CTNNA3: variants seen among roughly 807,000 people sequenced by gnomAD.
CTNNA3 encodes the protein catenin alpha 3, also known as catenin alpha-3.
A neutral mutation model predicts 95.7 loss-of-function variants in CTNNA3; 76 were observed. The ratio of observed to expected loss-of-function variants is 0.79; its 90% CI spans 0.66 to 0.96. The LOEUF is 0.96. CTNNA3 is among the 40% of genes least tolerant of loss of function. The pLI is 0.00. For missense variants in CTNNA3, 1,191 were observed against 1,089.8 expected, an observed-to-expected ratio of 1.09 and a Z score of -1.31; for synonymous variants, 431 against 374.4, an observed-to-expected ratio of 1.15 and a Z score of -1.74.
intron 5 of CTNNA3, among the ~76,000 whole-genome samples, chr10:67,347,054 T>C (rs905307005): frequency 4.0e-5 from 6 of 149,164 alleles, no homozygotes; most frequent in African/African-American, 1.0e-4. Context: ...TTATAATAAG[T>C]AATCCTAGAA....
intron 16 of CTNNA3, among the ~76,000 whole-genome samples, chr10:65,985,523 A>G (rs2078409713): frequency 6.6e-6 from 1 of 151,424 alleles, no homozygotes. Context: ...TTAATTATGT[A>G]TTTTATGCAT....
At chr10:67,689,108 A>G (rs1407189219) in intron 1 of CTNNA3, among the ~76,000 whole-genome samples, 2 of 152,136 alleles carry the variant, frequency 1.3e-5, no homozygotes, top group East Asian at 3.9e-4. Flanking sequence ...TCCTGTTAGT[A>G]TTGGGACCTT....
chr10:67,405,823 T>A (rs1442040830), intron 5 of CTNNA3, among the ~76,000 whole-genome samples: 1 of 152,118 alleles, frequency 6.6e-6, no homozygotes, highest in East Asian at 1.9e-4. Context: ...CCTCAGCAAA[T>A]GTAAAAGAAC....
At chr10:67,361,908 A>T (rs1320783087) in intron 5 of CTNNA3, among the ~76,000 whole-genome samples, 1 of 152,060 alleles carries the variant, frequency 6.6e-6, no homozygotes, top group Non-Finnish European at 1.5e-5. Context: ...AAGATCCAAT[A>T]AACACAATAA....
intron 9 of CTNNA3, among the ~76,000 whole-genome samples, chr10:66,723,456 C>T (rs531228674): frequency 1.4e-4 from 21 of 152,186 alleles, no homozygotes; most frequent in Non-Finnish European, 2.5e-4. Flanking sequence ...ATCACTTGGC[C>T]TTATAGCCAC....
At chr10:67,564,418 T>G (rs1380666831) in intron 3 of CTNNA3, among the ~76,000 whole-genome samples, 1 of 137,344 alleles carries the variant, frequency 7.3e-6, no homozygotes, top group African/African-American at 2.8e-5. Context: ...CCGCATGTTC[T>G]CACTCATAGG....
chr10:66,635,524 T>C (rs1359946312), intron 9 of CTNNA3, among the ~76,000 whole-genome samples: 1 of 152,138 alleles, frequency 6.6e-6, no homozygotes. Context: ...AGAGATACAA[T>C]ATATTAAAGC....
At chr10:67,185,424 C>G (rs866081401) in intron 6 of CTNNA3, among the ~76,000 whole-genome samples, 1 of 151,970 alleles carries the variant, frequency 6.6e-6, no homozygotes, top group Admixed American at 6.6e-5. Flanking sequence ...TCACGGCCGG[C>G]CTTTTTTTCC....
chr10:66,335,172 C>T (rs557122265), intron 12 of CTNNA3, among the ~76,000 whole-genome samples: 15 of 152,044 alleles, frequency 9.9e-5, no homozygotes, highest in Middle Eastern at 3.4e-3. Context: ...GCTATGGGTT[C>T]GAACTTCCTC....
intron 10 of CTNNA3, among the ~76,000 whole-genome samples, chr10:66,536,596 A>T (rs1489724501): frequency 6.6e-6 from 1 of 152,140 alleles, no homozygotes; most frequent in African/African-American, 2.4e-5. Context: ...CATGGTCAAT[A>T]GGATCAAATA....
intron 2 of CTNNA3, among the ~76,000 whole-genome samples, chr10:67,637,847 A>G (rs1052494324): frequency 6.6e-6 from 1 of 152,258 alleles, no homozygotes; most frequent in African/African-American, 2.4e-5. Context: ...CCTGCCTAAA[A>G]GAGCTCCTGA....
At chr10:66,057,910 C>T (rs1213821808) in intron 15 of CTNNA3, among the ~76,000 whole-genome samples, 3 of 152,054 alleles carry the variant, frequency 2.0e-5, no homozygotes, top group African/African-American at 7.2e-5. Context: ...ATTTACCACA[C>T]ATATGAGAAA....
At chr10:66,736,632 A>G (rs553567115) in intron 9 of CTNNA3, among the ~76,000 whole-genome samples, 1 of 152,092 alleles carries the variant, frequency 6.6e-6, no homozygotes, top group South Asian at 2.1e-4. Context: ...AAATTTAATA[A>G]TTTTATGTTA....
intron 5 of CTNNA3, among the ~76,000 whole-genome samples, chr10:67,480,600 A>G (rs527262806): frequency 6.6e-6 from 1 of 152,308 alleles, no homozygotes; most frequent in Admixed American, 6.5e-5. Flanking sequence ...CCTTAAGAAC[A>G]TGTTCCTGCT....
At chr10:65,930,007 A>G (rs2077225707) in intron 17 of CTNNA3, among the ~76,000 whole-genome samples, 1 of 152,042 alleles carries the variant, frequency 6.6e-6, no homozygotes, top group Non-Finnish European at 1.5e-5. Context: ...TTTCTTGACA[A>G]TTAGAGGTGA....
At chr10:67,023,680 A>G (rs913622875) in intron 7 of CTNNA3, among the ~76,000 whole-genome samples, 1 of 152,230 alleles carries the variant, frequency 6.6e-6, no homozygotes, top group Non-Finnish European at 1.5e-5. Flanking sequence ...TTGAGTCAAT[A>G]TGTATCGATC....
intron 11 of CTNNA3, among the ~76,000 whole-genome samples, chr10:66,472,503 T>C (rs1001674753): frequency 2.0e-5 from 3 of 152,042 alleles, no homozygotes; most frequent in South Asian, 2.1e-4. Flanking sequence ...ATTTTAGAGA[T>C]TTTTTATTGA....
chr10:67,739,118 G>A (rs887715245), intron 1 of CTNNA3, among the ~76,000 whole-genome samples: 1 of 152,114 alleles, frequency 6.6e-6, no homozygotes, highest in African/African-American at 2.4e-5. Flanking sequence ...CTGGAGAAGA[G>A]CAACTCCAAG....
chr10:67,142,253 A>G (rs1439948774), intron 7 of CTNNA3, among the ~76,000 whole-genome samples: 1 of 152,246 alleles, frequency 6.6e-6, no homozygotes, highest in Non-Finnish European at 1.5e-5. Flanking sequence ...TGACTTTTTT[A>G]GAAAGTAGAA....
Sources: gnomAD v4.1 joint callset for allele counts (sites outside exome capture counted in the v4.1 genomes callset) on GRCh38, gnomAD v4.1.1 for gene constraint, MANE v1.5 for transcripts, NCBI Gene and HGNC (gene_info 2026-07-23, HGNC 2026-07-21) for gene names.